Variants in FSTL5 observed in about 807,000 individuals in gnomAD.
The protein encoded by FSTL5 is follistatin-related protein 5.
FSTL5 carries 62 observed loss-of-function variants against 89.1 expected under a neutral mutation model. The ratio of observed to expected loss-of-function variants is 0.70; its 90% CI spans 0.57 to 0.86. The LOEUF (loss-of-function observed/expected upper bound fraction) is 0.86. Among genes scored for constraint, FSTL5 ranks in the 40% least tolerant of loss-of-function variants. The pLI is 0.00. For synonymous variants in FSTL5, 383 were observed against 346.2 expected, an observed-to-expected ratio of 1.11 and a Z score of -1.18; for missense variants, 1,057 against 1,001.6, an observed-to-expected ratio of 1.06 and a Z score of -0.75.
rs562261254 is a variant in FSTL5 at position 161,832,202 on chromosome 4, CA to C, written c.410-56129del. 1.5e-3 allele frequency among the ~76,000 whole-genome samples: 224 copies of C among 152,140 alleles called. 1 individual carries two copies. Among genetic ancestry groups the C allele is most frequent in the Admixed American group, 0.011 (165 of 15,264 alleles). ...ACTAACGAAGTTCCCAGGGAAAGGA[CA>C]GGGGAAGAATTCACAGATGATATGA... On this transcript the variant is annotated intron_variant, in intron 4 of 15. Coordinates refer to ENST00000306100, the MANE Select transcript of FSTL5 (RefSeq NM_020116.5).
At chr4:161,668,641 A>G (rs1736978660) in intron 6 of FSTL5, among the ~76,000 whole-genome samples, 1 of 152,212 alleles carries the variant, frequency 6.6e-6, no homozygotes, top group Non-Finnish European at 1.5e-5. Context: ...ATAGAATCCA[A>G]CAACATATGA....
chr4:161,483,081 C>G (rs7687425), intron 12 of FSTL5, among the ~76,000 whole-genome samples: 2 of 152,032 alleles, frequency 1.3e-5, no homozygotes, highest in African/African-American at 4.8e-5. Context: ...CTTAAGGAGG[C>G]AGCCCAAAGG....
At position 161,566,840 on chromosome 4, in the gene FSTL5, T is replaced by C. The variant is rs140744813; in HGVS notation, c.1015+20615A>G. ...TTAATCTGGAGAACTCATAAAAGCCTAGGTATAGCATGTGAAAATGTATTC... is the reference window on the plus strand; with the variant it reads ...TTAATCTGGAGAACTCATAAAAGCCCAGGTATAGCATGTGAAAATGTATTC... On this transcript the variant is annotated intron_variant, in intron 8 of 15. Coordinates refer to ENST00000306100, the MANE Select transcript of FSTL5 (RefSeq NM_020116.5). Among the ~76,000 whole-genome samples, 178 of 152,210 alleles carry C rather than the reference T, an allele frequency of 1.2e-3. 2 individuals are homozygous for C. In the East Asian group the frequency reaches 0.026, roughly 22 times the overall value.
At chr4:161,408,767 A>G (rs537104557) in intron 15 of FSTL5, among the ~76,000 whole-genome samples, 1 of 152,340 alleles carries the variant, frequency 6.6e-6, no homozygotes, top group East Asian at 1.9e-4. Flanking sequence ...ATTCACTACA[A>G]GAATTGTATA....
chr4:161,842,106 T>G (rs988491898), intron 4 of FSTL5, among the ~76,000 whole-genome samples: 3 of 152,184 alleles, frequency 2.0e-5, no homozygotes, highest in Admixed American at 1.3e-4. Context: ...AAATTTGAAC[T>G]GAAATGTGAT....
At chr4:161,918,980 T>C (rs1733917261) in intron 4 of FSTL5, among the ~76,000 whole-genome samples, 1 of 152,084 alleles carries the variant, frequency 6.6e-6, no homozygotes, top group African/African-American at 2.4e-5. Context: ...TCCATATGGA[T>C]GTCAGGTGAA....
At chr4:161,503,586 C>T (rs1200669934) in intron 11 of FSTL5, among the ~76,000 whole-genome samples, 1 of 151,898 alleles carries the variant, frequency 6.6e-6, no homozygotes, top group African/African-American at 2.4e-5. Flanking sequence ...TAACATTTGC[C>T]TTGCTAATTA....
At chr4:161,651,642 C>T (rs1040754417) in intron 7 of FSTL5, among the ~76,000 whole-genome samples, 1 of 152,110 alleles carries the variant, frequency 6.6e-6, no homozygotes, top group Non-Finnish European at 1.5e-5. Flanking sequence ...AGTGTTTTTT[C>T]TCATTAATTC....
intron 4 of FSTL5, among the ~76,000 whole-genome samples, chr4:161,872,806 CA>C (rs1732316624): frequency 6.6e-6 from 1 of 151,874 alleles, no homozygotes; most frequent in African/African-American, 2.4e-5. Context: ...AACTGAGGAA[CA>C]AAAACTATAA....
At chr4:162,067,850 G>A (rs535852391) in intron 2 of FSTL5, among the ~76,000 whole-genome samples, 1 of 152,020 alleles carries the variant, frequency 6.6e-6, no homozygotes, top group Non-Finnish European at 1.5e-5. Context: ...CTTCAGCAAA[G>A]TCTCAGGATA....
intron 3 of FSTL5, among the ~76,000 whole-genome samples, chr4:162,017,533 T>C (rs1020981192): frequency 3.3e-5 from 5 of 152,196 alleles, no homozygotes; most frequent in Admixed American, 6.5e-5. Flanking sequence ...TATTGCCATT[T>C]TGAAGAGTAG....
chr4:161,408,366 C>G (rs2110927579), intron 15 of FSTL5, among the ~76,000 whole-genome samples: 1 of 152,256 alleles, frequency 6.6e-6, no homozygotes, highest in Non-Finnish European at 1.5e-5. Context: ...ATTCTACAAT[C>G]AAAGAAGACC....
At chr4:161,433,469 C>T (rs1732452028) in intron 15 of FSTL5, among the ~76,000 whole-genome samples, 1 of 151,942 alleles carries the variant, frequency 6.6e-6, no homozygotes, top group Non-Finnish European at 1.5e-5. Context: ...AGTGGGGAAA[C>T]ACTTAAAGCC....
intron 3 of FSTL5, among the ~76,000 whole-genome samples, chr4:161,993,827 A>C (rs1736208950): frequency 6.6e-6 from 1 of 152,270 alleles, no homozygotes; most frequent in East Asian, 1.9e-4. Context: ...GTGTAAAAAT[A>C]GTTGTCTAAT....
chr4:161,755,334 A>G (rs60168455), intron 6 of FSTL5, among the ~76,000 whole-genome samples: 12,293 of 152,138 alleles, frequency 0.081, 949 homozygotes, highest in African/African-American at 0.2. Context: ...TGAAAAACAC[A>G]TTATGTCTAC....
At chr4:162,007,142 A>C (rs192454743) in intron 3 of FSTL5, among the ~76,000 whole-genome samples, 1 of 151,836 alleles carries the variant, frequency 6.6e-6, no homozygotes, top group South Asian at 2.1e-4. Context: ...AGAAAATTTT[A>C]AAAAGATAGT....
At chr4:161,726,148 T>G (rs1057119873) in intron 6 of FSTL5, among the ~76,000 whole-genome samples, 8 of 152,064 alleles carry the variant, frequency 5.3e-5, no homozygotes, top group African/African-American at 1.4e-4. Context: ...AAAAACTATA[T>G]TATAACATGA....
chr4:161,595,445 A>G (rs1733981625), intron 7 of FSTL5, among the ~76,000 whole-genome samples: 1 of 152,090 alleles, frequency 6.6e-6, no homozygotes. Context: ...GCCTTAAGGC[A>G]TTGATGTCTG....
chr4:161,463,190 C>T (rs904574787), intron 13 of FSTL5, among the ~76,000 whole-genome samples: 37 of 151,946 alleles, frequency 2.4e-4, no homozygotes, highest in African/African-American at 7.0e-4. Context: ...AAATAATTTC[C>T]GACTTTGAAA....
Sources: gnomAD v4.1 joint callset for allele counts (sites outside exome capture counted in the v4.1 genomes callset) on GRCh38, gnomAD v4.1.1 for gene constraint, MANE v1.5 for transcripts, NCBI Gene and HGNC (gene_info 2026-07-23, HGNC 2026-07-21) for gene names.